CACNB2: variants seen among roughly 807,000 people sequenced by gnomAD.
CACNB2 encodes voltage-dependent L-type calcium channel subunit beta-2.
In CACNB2, 42 loss-of-function variants were observed where a neutral mutation model predicts 73.3. That is an observed-to-expected ratio of 0.57 (90% CI 0.45 to 0.74). CACNB2 has a LOEUF of 0.74. Among genes scored for constraint, CACNB2 ranks in the 30% least tolerant of loss-of-function variants. CACNB2 has a pLI of 0.00. For missense variants in CACNB2, 940 were observed against 853.0 expected (o/e 1.10, Z -1.27); for synonymous variants, 348 against 310.3 (o/e 1.12, Z -1.28).
intron 2 of CACNB2, among the ~76,000 whole-genome samples, chr10:18,218,460 A>C (rs1166113286): frequency 6.6e-6 from 1 of 152,326 alleles, no homozygotes; most frequent in East Asian, 1.9e-4. Flanking sequence ...TATTCTGTAG[A>C]TAAGAAAATG....
At chr10:18,365,872 A>G (rs1373491550) in intron 2 of CACNB2, among the ~76,000 whole-genome samples, 1 of 152,198 alleles carries the variant, frequency 6.6e-6, no homozygotes, top group African/African-American at 2.4e-5. Context: ...AAGAAAAGAA[A>G]TGTATAGAAC....
chr10:18,175,035 T>G (rs1422899790), intron 2 of CACNB2, among the ~76,000 whole-genome samples: 1 of 152,156 alleles, frequency 6.6e-6, no homozygotes, highest in Non-Finnish European at 1.5e-5. Context: ...GTTAGCCACT[T>G]TCAACCAGAG....
chr10:18,358,521 T>TCTCTCG (rs2042015259), intron 2 of CACNB2, among the ~76,000 whole-genome samples: 1 of 39,524 alleles, frequency 2.5e-5, no homozygotes, highest in African/African-American at 9.2e-5. Flanking sequence ...TCTCTCTCTC[T>TCTCTCG]CTCTCTCTCT....
At chr10:18,427,216 T>C (rs10741058) in intron 3 of CACNB2, among the ~76,000 whole-genome samples, 133,846 of 152,146 alleles carry the variant, frequency 0.88, 59,101 homozygotes, top group East Asian at 0.96. Flanking sequence ...CCCTTTTCTA[T>C]ATCTTTAAAG....
At chr10:18,232,724 A>G (rs1415451013) in intron 2 of CACNB2, among the ~76,000 whole-genome samples, 1 of 152,204 alleles carries the variant, frequency 6.6e-6, no homozygotes, top group Non-Finnish European at 1.5e-5. Flanking sequence ...AATTTTTGGA[A>G]ACAGTTTTTT....
intron 2 of CACNB2, among the ~76,000 whole-genome samples, chr10:18,184,130 G>A (rs945290861): frequency 6.6e-6 from 1 of 152,136 alleles, no homozygotes; most frequent in African/African-American, 2.4e-5. Flanking sequence ...AATCATCTTT[G>A]TATTCACTCT....
rs1163725750 is a variant in CACNB2 at position 18,149,280 on chromosome 10, GA to G, written c.121-1596del. Among the ~76,000 whole-genome samples, 4 of 152,088 alleles carry G rather than the reference GA, an allele frequency of 2.6e-5. No individual in the cohort carries two copies. In the East Asian group the frequency reaches 7.7e-4, roughly 29 times the overall value. ...AAACCTTTACATAATAATTGGAAAA[GA>G]AAAAAAGTGGTTAAAAGAATGTTAT... On this transcript the variant is annotated intron_variant, in intron 1 of 13. Coordinates refer to ENST00000324631, the MANE Select transcript of CACNB2 (RefSeq NM_201596.3).
chr10:18,359,046 A>G (rs1417473406), intron 2 of CACNB2, among the ~76,000 whole-genome samples: 1 of 152,126 alleles, frequency 6.6e-6, no homozygotes, highest in Non-Finnish European at 1.5e-5. Context: ...TAGTGACACA[A>G]ATTGTCATGA....
chr10:18,451,703 C>G (rs12243859), intron 3 of CACNB2, among the ~76,000 whole-genome samples: 1 of 152,090 alleles, frequency 6.6e-6, no homozygotes, highest in Non-Finnish European at 1.5e-5. Context: ...CTCACATATT[C>G]TCCTGTGTCA....
At chr10:18,499,444 G>A (rs149079225) in intron 4 of CACNB2, among the ~76,000 whole-genome samples, 9 of 151,808 alleles carry the variant, frequency 5.9e-5, no homozygotes, top group Middle Eastern at 3.4e-3. Flanking sequence ...GGTGAACCCC[G>A]TCTCCACTAA....
intron 2 of CACNB2, among the ~76,000 whole-genome samples, chr10:18,396,539 C>T (rs2043722312): frequency 3.3e-5 from 5 of 152,094 alleles, no homozygotes; most frequent in Admixed American, 3.3e-4. Context: ...GGCACAGTCT[C>T]AGCTCACTGC....
At chr10:18,398,792 A>G (rs2043843178) in intron 2 of CACNB2, among the ~76,000 whole-genome samples, 1 of 152,052 alleles carries the variant, frequency 6.6e-6, no homozygotes, top group Non-Finnish European at 1.5e-5. Context: ...TGCTTCTATG[A>G]ACTACTCTAA....
Position 18,539,700 on chromosome 10 carries a change from C to T in CACNB2, c.1959C>T (p.Asn653=), listed in dbSNP as rs1414134597. Residue 653 remains asparagine, a synonymous_variant, in exon 14 of 14, where the codon AAC becomes AAT. Transcript: ENST00000324631. ...AACGGAATGAGGCTGGGGAGTGGAA[C>T]AGGGATGTTTACATCCGCCAATGAG... The part of the protein sequence containing the change: ...SKKRNEAGEW[N]RDVYIRQ 2.5e-6 allele frequency: 4 copies of T among 1,608,086 alleles called. No homozygotes were observed. The highest frequency in any genetic ancestry group is 1.4e-5 in the African/African-American group (1 of 73,914).
intron 2 of CACNB2, among the ~76,000 whole-genome samples, chr10:18,169,747 C>T (rs540041579): frequency 7.3e-4 from 111 of 152,304 alleles, no homozygotes; most frequent in African/African-American, 2.6e-3. Context: ...CACTTTTTCA[C>T]ATCCTTCCCC....
chr10:18,210,945 C>T lies in CACNB2; in HGVS notation c.213+59970C>T, dbSNP rs892974634. Among the ~76,000 whole-genome samples, 13 of 152,292 alleles carry T rather than the reference C, an allele frequency of 8.5e-5. 1 individual carries two copies. In the Middle Eastern group the frequency reaches 0.02, roughly 239 times the overall value. On this transcript the variant is annotated intron_variant, in intron 2 of 13. Transcript: ENST00000324631. Reference sequence around the variant, plus strand: ...TATCTGCATGCCTTCAGACAAGTTTCTCAGCCTTTGTAAATTCCTGCTTCC... The same window carrying T: ...TATCTGCATGCCTTCAGACAAGTTTTTCAGCCTTTGTAAATTCCTGCTTCC...
intron 3 of CACNB2, among the ~76,000 whole-genome samples, chr10:18,420,202 A>G (rs533190815): frequency 2.0e-5 from 3 of 152,286 alleles, no homozygotes; most frequent in East Asian, 1.9e-4. Context: ...TGATGAATGT[A>G]TACTCCAGCA....
intron 3 of CACNB2, among the ~76,000 whole-genome samples, chr10:18,443,475 G>A (rs2046577132): frequency 6.6e-6 from 1 of 152,124 alleles, no homozygotes; most frequent in Non-Finnish European, 1.5e-5. Flanking sequence ...CCTGCTATGG[G>A]TTATTGAGTT....
At chr10:18,289,431 A>C (rs1211010848) in intron 2 of CACNB2, among the ~76,000 whole-genome samples, 8 of 150,966 alleles carry the variant, frequency 5.3e-5, no homozygotes, top group Non-Finnish European at 1.0e-4. Flanking sequence ...AGTAGCTGGG[A>C]CTACAGGTGC....
intron 7 of CACNB2, among the ~76,000 whole-genome samples, chr10:18,516,967 G>A (rs922795249): frequency 1.3e-5 from 2 of 152,114 alleles, no homozygotes; most frequent in Admixed American, 6.5e-5. Context: ...GTGACTACGG[G>A]TAAAATCTCA....
Sources: gnomAD v4.1 joint callset for allele counts (sites outside exome capture counted in the v4.1 genomes callset) on GRCh38, gnomAD v4.1.1 for gene constraint, MANE v1.5 for transcripts, NCBI Gene and HGNC (gene_info 2026-07-23, HGNC 2026-07-21) for gene names.